The following TCF12 variants were observed in gnomAD, a reference collection of about 807,000 sequenced individuals.
The protein encoded by TCF12 is transcription factor 12.
TCF12 carries 45 observed loss-of-function variants against 86.0 expected under a neutral mutation model. The observed-to-expected ratio is 0.52, with a 90% CI of 0.41 to 0.67. TCF12 has a LOEUF of 0.67. Ranked by LOEUF, TCF12 falls within the 30% of genes least tolerant of loss-of-function variation. The probability of loss-of-function intolerance (pLI) is 0.00; values close to 1 mark genes in which losing one functional copy is unlikely to be tolerated. For synonymous variants in TCF12, 330 were observed against 299.6 expected, an observed-to-expected ratio of 1.10 and a Z score of -1.05; for missense variants, 881 against 859.9, an observed-to-expected ratio of 1.02 and a Z score of -0.31.
intron 5 of TCF12, among the ~76,000 whole-genome samples, chr15:57,095,662 TAAC>T (rs1330520851): frequency 6.6e-6 from 1 of 152,168 alleles, no homozygotes; most frequent in African/African-American, 2.4e-5. Flanking sequence ...GATGGTTTGT[TAAC>T]AATTTTTCTT....
intron 3 of TCF12, among the ~76,000 whole-genome samples, chr15:56,934,185 T>C (rs936632285): frequency 6.6e-6 from 1 of 152,166 alleles, no homozygotes; most frequent in East Asian, 1.9e-4. Flanking sequence ...GTTTTTAAAA[T>C]GCTTGTTGAG....
intron 5 of TCF12, among the ~76,000 whole-genome samples, chr15:57,143,628 T>C (rs1302941349): frequency 2.0e-5 from 3 of 152,128 alleles, no homozygotes; most frequent in Non-Finnish European, 1.5e-5. Flanking sequence ...CCCTGTACAT[T>C]TGTGTGGCAA....
intron 6 of TCF12, among the ~76,000 whole-genome samples, chr15:57,175,359 T>C (rs1465048103): frequency 6.6e-6 from 1 of 151,690 alleles, no homozygotes; most frequent in Non-Finnish European, 1.5e-5. Flanking sequence ...TCTTGTGTCT[T>C]AAAAAAAAGA....
At chr15:56,921,267 C>T (rs1595684144) in intron 3 of TCF12, among the ~76,000 whole-genome samples, 169 bp downstream of exon 3, 1 of 151,970 alleles carries the variant, frequency 6.6e-6, no homozygotes, top group African/African-American at 2.4e-5. Flanking sequence ...TGACAGTTCC[C>T]TCAGAAATCT....
At chr15:57,172,432 A>T (rs1170670613) in intron 6 of TCF12, among the ~76,000 whole-genome samples, 4 of 152,240 alleles carry the variant, frequency 2.6e-5, no homozygotes, top group African/African-American at 9.6e-5. Context: ...CAACTGAAGA[A>T]CATAAATTCC....
intron 3 of TCF12, among the ~76,000 whole-genome samples, chr15:56,935,755 C>T (rs1184375637): frequency 1.3e-5 from 2 of 152,136 alleles, no homozygotes; most frequent in Non-Finnish European, 2.9e-5. Flanking sequence ...GTTAACTTCT[C>T]TTAGGACAAT....
chr15:57,276,796 CTTTTT>C (rs869236450), intron 19 of TCF12, among the ~76,000 whole-genome samples: 1 of 134,440 alleles, frequency 7.4e-6, no homozygotes, highest in East Asian at 2.3e-4. Context: ...TTTTTTTTTT[CTTTTT>C]TTTTTCCTTT....
At chr15:57,067,049 C>A (rs1433134784) in intron 4 of TCF12, among the ~76,000 whole-genome samples, 1 of 152,164 alleles carries the variant, frequency 6.6e-6, no homozygotes, top group Admixed American at 6.5e-5. Flanking sequence ...TTAGGCTTAT[C>A]CCCATTCTTT....
At chr15:56,992,364 T>TTTG (rs1208041858) in intron 3 of TCF12, among the ~76,000 whole-genome samples, 1 of 152,246 alleles carries the variant, frequency 6.6e-6, no homozygotes, top group African/African-American at 2.4e-5. Flanking sequence ...CTTTTAATTT[T>TTTG]TTGTTGTTGT....
At chr15:57,163,302 A>G (rs2054625083) in intron 5 of TCF12, among the ~76,000 whole-genome samples, 1 of 152,252 alleles carries the variant, frequency 6.6e-6, no homozygotes, top group Admixed American at 6.5e-5. Flanking sequence ...GACTAGTATC[A>G]TTTTCATTAA....
rs35859330 is a variant in TCF12, at chr15:57,054,773, C to CTT, written c.149-8949_149-8948dup. Reference sequence around the variant, plus strand: ...AGCTGGCTTTTTTGCAATGCCTCTGCTTTTTTTTTTTTTTTTTTTTTTTTT... The same window carrying CTT: ...AGCTGGCTTTTTTGCAATGCCTCTGCTTTTTTTTTTTTTTTTTTTTTTTTTTT... On this transcript the variant is annotated intron_variant, in intron 3 of 20. Transcript: ENST00000333725. Among the ~76,000 whole-genome samples the CTT allele has an allele frequency of 4.3e-3, 105 of 24,182 alleles. 35 individuals carry two copies. The highest frequency in any genetic ancestry group is 0.015 in the African/African-American group (101 of 6,840). The allele number at this position is 24,182 out of a possible 152,430, so 15.9% of individuals were successfully genotyped here.
At chr15:57,151,071 T>C (rs922546569) in intron 5 of TCF12, among the ~76,000 whole-genome samples, 3 of 151,706 alleles carry the variant, frequency 2.0e-5, no homozygotes, top group Non-Finnish European at 4.4e-5. Flanking sequence ...CTTGAACTAT[T>C]GGATCAAGTG....
chr15:57,068,665 G>T (rs1387633537), intron 4 of TCF12, among the ~76,000 whole-genome samples: 3 of 152,084 alleles, frequency 2.0e-5, no homozygotes, highest in Admixed American at 1.3e-4. Flanking sequence ...AGATTTACTA[G>T]ATTAACTAGG....
rs1054233393 is a variant in TCF12 at position 56,955,743 on chromosome 15, A to T, written c.148+34645A>T. On this transcript the variant is annotated intron_variant, in intron 3 of 20. Coordinates refer to ENST00000333725, the MANE Select transcript of TCF12 (RefSeq NM_207037.2). ...TTTGTGGAGTGTTTTCTAAGTATCA[A>T]GTGATTTTAGTTTGTAGTGTTGTTC... Among the ~76,000 whole-genome samples the T allele has an allele frequency of 1.2e-3, 175 of 152,120 alleles. 2 individuals are homozygous for T. The highest frequency in any genetic ancestry group is 2.9e-4 in the Non-Finnish European group (20 of 68,012).
intron 3 of TCF12, among the ~76,000 whole-genome samples, chr15:56,950,360 G>A (rs140101360): frequency 6.6e-6 from 1 of 152,210 alleles, no homozygotes; most frequent in Non-Finnish European, 1.5e-5. Flanking sequence ...TGAGTAGCTG[G>A]GATTGCAGGT....
At chr15:57,235,273 G>A (rs1352739186) in intron 12 of TCF12, among the ~76,000 whole-genome samples, 1 of 152,150 alleles carries the variant, frequency 6.6e-6, no homozygotes, top group Non-Finnish European at 1.5e-5. Context: ...TACATGCCCT[G>A]TTTCATTTAA....
At chr15:57,091,275 A>C (rs1596483279) in intron 4 of TCF12, among the ~76,000 whole-genome samples, 2 of 152,284 alleles carry the variant, frequency 1.3e-5, no homozygotes, top group Admixed American at 6.5e-5. Flanking sequence ...ATTGTGAATT[A>C]GTTTTAGTAT....
In TCF12 at chr15:57,263,732, C is replaced by G. The variant is rs186894440; in HGVS notation, c.1745+458C>G. Among the ~76,000 whole-genome samples the G allele has an allele frequency of 3.1e-3, 479 of 152,280 alleles. 4 individuals are homozygous for G. The highest frequency in any genetic ancestry group is 5.3e-3 in the Non-Finnish European group (361 of 68,006). ...AAACATACAGTATACTTTCACAAACCTAGCCTGTTGTTCCTAGGCTGTATA... is the reference window on the plus strand; with the variant it reads ...AAACATACAGTATACTTTCACAAACGTAGCCTGTTGTTCCTAGGCTGTATA... On this transcript the variant is annotated intron_variant, in intron 18 of 20. Coordinates refer to ENST00000333725, the MANE Select transcript of TCF12 (RefSeq NM_207037.2).
At chr15:57,148,722 C>G (rs1462314592) in intron 5 of TCF12, among the ~76,000 whole-genome samples, 3 of 102,994 alleles carry the variant, frequency 2.9e-5, no homozygotes, top group African/African-American at 1.0e-4. Context: ...AAAAAAAATA[C>G]AAAATTTAGC....
Sources: gnomAD v4.1 joint callset for allele counts (sites outside exome capture counted in the v4.1 genomes callset) on GRCh38, gnomAD v4.1.1 for gene constraint, MANE v1.5 for transcripts, NCBI Gene and HGNC (gene_info 2026-07-23, HGNC 2026-07-21) for gene names.